The following LRMDA variants were observed in gnomAD, a reference collection of about 807,000 sequenced individuals.
LRMDA encodes the protein leucine-rich melanocyte differentiation-associated protein.
LRMDA carries 18 observed loss-of-function variants against 29.8 expected under a neutral mutation model. The ratio of observed to expected loss-of-function variants is 0.60; its 90% confidence interval spans 0.42 to 0.90. The LOEUF (loss-of-function observed/expected upper bound fraction) is 0.90. Among genes scored for constraint, LRMDA ranks in the 40% least tolerant of loss-of-function variants. The probability of loss-of-function intolerance (pLI) is 0.00; values close to 1 mark genes in which losing one functional copy is unlikely to be tolerated. For missense variants in LRMDA, 273 were observed against 273.9 expected (o/e 1.00, Z 0.02); for synonymous variants, 125 against 109.4 (o/e 1.14, Z -0.89).
At chr10:76,250,876 A>G (rs551024403) in intron 5 of LRMDA, among the ~76,000 whole-genome samples, 13 of 152,302 alleles carry the variant, frequency 8.5e-5, no homozygotes, top group Non-Finnish European at 7.4e-5. Flanking sequence ...TCTGCTATCA[A>G]TCAGAGGGGT....
intron 6 of LRMDA, among the ~76,000 whole-genome samples, chr10:76,367,134 A>T (rs571369892): frequency 1.3e-5 from 2 of 152,082 alleles, no homozygotes; most frequent in Non-Finnish European, 1.5e-5. Context: ...TCTTCTTGGT[A>T]TGTTGTTGGA....
At chr10:76,087,259 C>A (rs1296437490) in intron 5 of LRMDA, among the ~76,000 whole-genome samples, 3 of 152,064 alleles carry the variant, frequency 2.0e-5, no homozygotes. Flanking sequence ...TAGGGCAGAA[C>A]TGTTTGTTCT....
chr10:76,448,569 G>A (rs1842375694), intron 6 of LRMDA, among the ~76,000 whole-genome samples: 1 of 151,976 alleles, frequency 6.6e-6, no homozygotes, highest in Non-Finnish European at 1.5e-5. Context: ...GCCGTCTGTT[G>A]ACATGTTAGT....
intron 6 of LRMDA, among the ~76,000 whole-genome samples, chr10:76,527,305 T>G (rs1843187188): frequency 6.6e-6 from 1 of 152,176 alleles, no homozygotes; most frequent in African/African-American, 2.4e-5. Flanking sequence ...GCTTCCATTT[T>G]TGTGTATTCT....
chr10:75,469,616 G>A (rs1292421605), intron 2 of LRMDA, among the ~76,000 whole-genome samples: 1 of 152,132 alleles, frequency 6.6e-6, no homozygotes, highest in Non-Finnish European at 1.5e-5. Context: ...TTGTTGAAGG[G>A]TGTGCCACCC....
At position 76,559,593 on chromosome 10, in the gene LRMDA, T is replaced by C. The variant is rs939776412; in HGVS notation, c.*2305T>C. The stretch of plus-strand genomic sequence containing the variant: ...AATTTGCTGTGCTAGAGCTAGACTT[T>C]GGTCTGAATTGGCAGAGGTAGAACC... On this transcript the variant is annotated 3_prime_UTR_variant, in exon 7 of 7. Coordinates refer to ENST00000611255, the MANE Select transcript of LRMDA (RefSeq NM_001305581.2). The C allele has an allele frequency of 6.6e-6, 1 of 152,256 alleles. No individual in the cohort carries two copies. The highest frequency in any genetic ancestry group is 1.5e-5 in the Non-Finnish European group (1 of 68,050). The allele number at this position is 152,256 out of a possible 1,614,324, so 9.4% of individuals were successfully genotyped here. A position where few individuals can be genotyped will look rare whatever the true frequency, so the allele number is the denominator to read the frequency against.
intron 6 of LRMDA, among the ~76,000 whole-genome samples, chr10:76,326,774 C>G (rs1435697340): frequency 6.6e-6 from 1 of 152,190 alleles, no homozygotes; most frequent in South Asian, 2.1e-4. Context: ...GTCCTAAAAA[C>G]TGTAGATTCA....
At chr10:76,038,870 T>G (rs1848296234) in intron 3 of LRMDA, among the ~76,000 whole-genome samples, 1 of 152,244 alleles carries the variant, frequency 6.6e-6, no homozygotes, top group Non-Finnish European at 1.5e-5. Context: ...ATCAGATGTT[T>G]GGCCAGGGCT....
chr10:75,785,190 G>A (rs1188732822), intron 2 of LRMDA, among the ~76,000 whole-genome samples: 5 of 152,198 alleles, frequency 3.3e-5, no homozygotes, highest in Non-Finnish European at 5.9e-5. Context: ...CAGCTGATTG[G>A]TTGTATGTGA....
chr10:75,960,875 G>A lies in LRMDA; in HGVS notation c.132-75133G>A, dbSNP rs113199085. On this transcript the variant is annotated intron_variant, in intron 2 of 6. Transcript: ENST00000611255. ...CGTGATCCACCTGCCTCAGCCTCCCGAAGTGCTGGGATAACAGGTGTGAGC... is the reference window on the plus strand; with the variant it reads ...CGTGATCCACCTGCCTCAGCCTCCCAAAGTGCTGGGATAACAGGTGTGAGC... 1.9e-3 allele frequency among the ~76,000 whole-genome samples: 283 copies of A among 152,128 alleles called. 1 individual carries two copies. Among genetic ancestry groups the A allele is most frequent in the African/African-American group, 6.4e-3 (265 of 41,490 alleles).
chr10:75,936,956 G>T (rs770171589), intron 2 of LRMDA, among the ~76,000 whole-genome samples: 5 of 151,900 alleles, frequency 3.3e-5, no homozygotes, highest in African/African-American at 1.2e-4. Flanking sequence ...TCTTTATTTT[G>T]GTTTATTCTC....
chr10:75,975,025 A>T (rs749045658), intron 2 of LRMDA, among the ~76,000 whole-genome samples: 1 of 152,362 alleles, frequency 6.6e-6, no homozygotes, highest in Non-Finnish European at 1.5e-5. Context: ...TGATCTACAG[A>T]TGCTATGGAA....
intron 5 of LRMDA, among the ~76,000 whole-genome samples, chr10:76,084,806 A>G (rs1193493041): frequency 1.3e-5 from 2 of 152,224 alleles, no homozygotes; most frequent in Non-Finnish European, 2.9e-5. Context: ...ATTCACAATT[A>G]GCCATGTGAC....
intron 2 of LRMDA, among the ~76,000 whole-genome samples, chr10:75,712,424 G>T (rs1376690782): frequency 6.8e-6 from 1 of 147,456 alleles, no homozygotes; most frequent in Non-Finnish European, 1.5e-5. Context: ...CAGGGAGGTG[G>T]CAGCGGGCGG....
At chr10:76,454,213 C>T (rs533674485) in intron 6 of LRMDA, among the ~76,000 whole-genome samples, 2 of 152,116 alleles carry the variant, frequency 1.3e-5, no homozygotes, top group Non-Finnish European at 2.9e-5. Flanking sequence ...GGATGAATCA[C>T]ATAGATGGAG....
intron 2 of LRMDA, among the ~76,000 whole-genome samples, chr10:75,802,063 A>T (rs1452419489): frequency 1.3e-5 from 2 of 152,168 alleles, no homozygotes; most frequent in Non-Finnish European, 2.9e-5. Flanking sequence ...TCATGCCTGT[A>T]ATCCCAACAC....
chr10:76,146,564 T>C (rs559954197), intron 5 of LRMDA, among the ~76,000 whole-genome samples: 249 of 152,310 alleles, frequency 1.6e-3, no homozygotes, highest in Non-Finnish European at 2.8e-3. Context: ...CTCCATCCCT[T>C]TATTTTGAGC....
At chr10:76,274,780 A>G (rs1484156022) in intron 5 of LRMDA, among the ~76,000 whole-genome samples, 2 of 152,170 alleles carry the variant, frequency 1.3e-5, no homozygotes, top group African/African-American at 4.8e-5. Flanking sequence ...CAAAAATCAT[A>G]TATGTCAATT....
At chr10:76,020,744 A>C (rs2132490782) in intron 2 of LRMDA, among the ~76,000 whole-genome samples, 1 of 152,368 alleles carries the variant, frequency 6.6e-6, no homozygotes. Context: ...GACCCCAGCG[A>C]GAGCCCCCAC....
Sources: gnomAD v4.1 joint callset for allele counts (sites outside exome capture counted in the v4.1 genomes callset) on GRCh38, gnomAD v4.1.1 for gene constraint, MANE v1.5 for transcripts, NCBI Gene and HGNC (gene_info 2026-07-23, HGNC 2026-07-21) for gene names.